The following EXOC4 variants were observed in gnomAD, a reference collection of about 807,000 sequenced individuals.
EXOC4 encodes exocyst complex component 4.
EXOC4 carries 71 observed loss-of-function variants against 107.2 expected under a neutral mutation model. That is an observed-to-expected ratio of 0.66 (90% CI 0.55 to 0.81). The LOEUF is 0.81. Among genes scored for constraint, EXOC4 ranks in the 30% least tolerant of loss-of-function variants. EXOC4 has a pLI of 0.00. For missense variants in EXOC4, 1,108 were observed against 1,189.6 expected (o/e 0.93, Z 1.01); for synonymous variants, 456 against 441.2 (o/e 1.03, Z -0.42).
intron 9 of EXOC4, among the ~76,000 whole-genome samples, chr7:133,539,910 AG>A (rs1800346870): frequency 6.6e-6 from 1 of 152,050 alleles, no homozygotes; most frequent in Non-Finnish European, 1.5e-5. Context: ...GATTCTAAGG[AG>A]GCATGCCCTA....
At chr7:133,464,814 T>TG (rs1176632241) in intron 7 of EXOC4, among the ~76,000 whole-genome samples, 19 of 109,486 alleles carry the variant, frequency 1.7e-4, no homozygotes, top group African/African-American at 6.3e-4. Flanking sequence ...TGGGTTGGTT[T>TG]TTTTTTTTTT....
In EXOC4 at chr7:133,661,224, C is replaced by T. The variant is rs548477185; in HGVS notation, c.1514+31083C>T. ...GTCTCTTGCTGCATGCTAGCAGAGC[C>T]ACTGTATATGTGCCGAGGCTCTGAG... On this transcript the variant is annotated intron_variant, in intron 10 of 17. Transcript: ENST00000253861. Among the ~76,000 whole-genome samples the T allele has an allele frequency of 3.3e-5, 5 of 152,152 alleles. No homozygotes were observed. The South Asian group carries it at 1.0e-3, about 32-fold the overall frequency.
chr7:133,451,706 T>G (rs1011186220), intron 7 of EXOC4, among the ~76,000 whole-genome samples: 5 of 152,316 alleles, frequency 3.3e-5, no homozygotes, highest in Admixed American at 6.5e-5. Context: ...TAGCCACCCA[T>G]AGTTCACCCA....
chr7:134,091,093 C>T, the EXOC4 span, among the ~76,000 whole-genome samples: 96 of 152,116 alleles, frequency 6.3e-4, no homozygotes, highest in African/African-American at 2.1e-3. Context: ...TACAGGAAAG[C>T]GGTCCTGATC....
chr7:133,329,636 A>G (rs546052745), intron 5 of EXOC4, among the ~76,000 whole-genome samples: 2 of 152,244 alleles, frequency 1.3e-5, no homozygotes, highest in Non-Finnish European at 2.9e-5. Flanking sequence ...TGATGTTGAT[A>G]CTATTTCTTT....
chr7:133,611,022 C>A, intron 9 of EXOC4, among the ~76,000 whole-genome samples: 1 of 146,276 alleles, frequency 6.8e-6, no homozygotes, highest in Non-Finnish European at 1.5e-5. Flanking sequence ...GGAGTTTCAC[C>A]TGAACTCCCG....
intron 2 of EXOC4, among the ~76,000 whole-genome samples, chr7:133,282,886 C>G (rs1794189550): frequency 6.6e-6 from 1 of 152,140 alleles, no homozygotes; most frequent in Non-Finnish European, 1.5e-5. Flanking sequence ...ACTTACTTCT[C>G]TTGTCTAACT....
chr7:133,979,536 C>T (rs1245805163), intron 14 of EXOC4, among the ~76,000 whole-genome samples: 1 of 152,144 alleles, frequency 6.6e-6, no homozygotes, highest in African/African-American at 2.4e-5. Flanking sequence ...GCCTGTAATC[C>T]CAGCACTTTG....
Position 133,848,169 on chromosome 7 carries a change from C to G in EXOC4, c.1734+30625C>G, listed in dbSNP as rs574286984. The stretch of plus-strand genomic sequence containing the variant: ...TGGAAATGTGCGTGTGAATGTGATT[C>G]TAATCTGAAACCCCAGCAACAGATC... On this transcript the variant is annotated intron_variant, in intron 11 of 17. Coordinates refer to ENST00000253861, the MANE Select transcript of EXOC4 (RefSeq NM_021807.4). 3.3e-5 allele frequency among the ~76,000 whole-genome samples: 5 copies of G among 152,216 alleles called. No individual in the cohort carries two copies. The South Asian group carries it at 1.0e-3, about 32-fold the overall frequency.
chr7:133,550,767 T>C (rs1800572032), intron 9 of EXOC4, among the ~76,000 whole-genome samples: 1 of 152,164 alleles, frequency 6.6e-6, no homozygotes, highest in East Asian at 1.9e-4. Context: ...AATAGCCTTT[T>C]TGATTTAACA....
At chr7:133,557,967 T>G (rs1800726793) in intron 9 of EXOC4, among the ~76,000 whole-genome samples, 2 of 152,080 alleles carry the variant, frequency 1.3e-5, no homozygotes. Context: ...CCAGCCTGGG[T>G]AACAGAGCAA....
intron 17 of EXOC4, among the ~76,000 whole-genome samples, chr7:134,033,297 G>A (rs532528978): frequency 6.6e-6 from 1 of 152,268 alleles, no homozygotes; most frequent in Admixed American, 6.5e-5. Context: ...CAAAATGTTG[G>A]TATCCAGAAG....
intron 7 of EXOC4, among the ~76,000 whole-genome samples, chr7:133,437,264 A>G (rs1407527677): frequency 6.6e-6 from 1 of 152,080 alleles, no homozygotes; most frequent in Non-Finnish European, 1.5e-5. Flanking sequence ...ATTATGGCTT[A>G]TGATTATCCA....
At chr7:133,998,050 G>GTGACTTTATTGTGA (rs1794438538) in intron 15 of EXOC4, among the ~76,000 whole-genome samples, 1 of 152,144 alleles carries the variant, frequency 6.6e-6, no homozygotes, top group African/African-American at 2.4e-5. Flanking sequence ...TGCTATTGTG[G>GTGACTTTATTGTGA]TGACTTTATT....
chr7:133,838,619 G>C (rs550661674), intron 11 of EXOC4, among the ~76,000 whole-genome samples: 12 of 152,116 alleles, frequency 7.9e-5, no homozygotes, highest in Non-Finnish European at 1.6e-4. Context: ...AGTCAGTCTG[G>C]TTGCAGCCTC....
chr7:133,605,816 A>G (rs73726926), intron 9 of EXOC4, among the ~76,000 whole-genome samples: 3,566 of 152,154 alleles, frequency 0.023, 140 homozygotes, highest in African/African-American at 0.081. Flanking sequence ...GTTAAATGAA[A>G]TCTGCTAGGG....
At chr7:133,486,252 T>C (rs1190077972) in intron 9 of EXOC4, among the ~76,000 whole-genome samples, 1 of 152,170 alleles carries the variant, frequency 6.6e-6, no homozygotes, top group Non-Finnish European at 1.5e-5. Context: ...TTGTATGTAA[T>C]TAATCTCTTC....
downstream of EXOC4, among the ~76,000 whole-genome samples, chr7:134,068,255 A>G (rs1796213472): frequency 6.6e-6 from 1 of 152,154 alleles, no homozygotes; most frequent in Non-Finnish European, 1.5e-5. Flanking sequence ...CCCCACCCAA[A>G]TATCATCTTG....
chr7:133,618,106 C>G (rs1230202741), intron 9 of EXOC4, among the ~76,000 whole-genome samples: 1 of 152,022 alleles, frequency 6.6e-6, no homozygotes, highest in Non-Finnish European at 1.5e-5. Context: ...ATGATACAGG[C>G]TTATTTTTTA....
Sources: gnomAD v4.1 joint callset for allele counts (sites outside exome capture counted in the v4.1 genomes callset) on GRCh38, gnomAD v4.1.1 for gene constraint, MANE v1.5 for transcripts, NCBI Gene and HGNC (gene_info 2026-07-23, HGNC 2026-07-21) for gene names.